Variants in G2E3 observed in about 807,000 individuals in gnomAD.
The protein encoded by G2E3 is G2/M-phase specific E3 ubiquitin protein ligase, also known as G2/M phase-specific E3 ubiquitin-protein ligase.
G2E3 carries 35 observed loss-of-function variants against 92.8 expected under a neutral mutation model. The ratio of observed to expected loss-of-function variants is 0.38; its 90% CI spans 0.29 to 0.50. G2E3 has a LOEUF of 0.50. Among genes scored for constraint, G2E3 ranks in the 20% least tolerant of loss-of-function variants. The probability of loss-of-function intolerance (pLI) is 0.94; values close to 1 mark genes in which losing one functional copy is unlikely to be tolerated. For missense variants in G2E3, 554 were observed against 823.8 expected (o/e 0.67, Z 4.01); for synonymous variants, 242 against 272.4 (o/e 0.89, Z 1.10).
intron 1 of G2E3, chr14:30,560,341 A>G (rs1879019501): frequency 6.4e-6 from 1 of 155,242 alleles, no homozygotes; most frequent in Admixed American, 6.4e-5. Context: ...ACACCAGGAT[A>G]TTGTACCATT....
chr14:30,606,950 T>TA (rs1379944246), intron 11 of G2E3, among the ~76,000 whole-genome samples: 2 of 152,080 alleles, frequency 1.3e-5, no homozygotes, highest in Non-Finnish European at 2.9e-5. Context: ...TCAAGAACCT[T>TA]AAAAATGTTC....
chr14:30,585,576 C>G (rs114818557), intron 2 of G2E3, among the ~76,000 whole-genome samples: 1 of 149,764 alleles, frequency 6.7e-6, no homozygotes, highest in Admixed American at 6.6e-5. Context: ...AGTTTTTAAT[C>G]TTCTCCCCCT....
At chr14:30,585,135 A>G (rs981527238) in intron 2 of G2E3, among the ~76,000 whole-genome samples, 6 of 152,086 alleles carry the variant, frequency 3.9e-5, no homozygotes, top group Non-Finnish European at 7.4e-5. Context: ...TACCCAGACA[A>G]TAGTGTCCTT....
chr14:30,609,597 T>G (rs1319839705), intron 12 of G2E3, among the ~76,000 whole-genome samples: 2 of 152,228 alleles, frequency 1.3e-5, no homozygotes, highest in African/African-American at 4.8e-5. Flanking sequence ...TCCTGTAATC[T>G]TTCTGAATGA....
chr14:30,611,604 G>T (rs1349288793), intron 12 of G2E3: 1 of 151,794 alleles, frequency 6.6e-6, no homozygotes, highest in African/African-American at 2.4e-5. Context: ...TCTTTTTCAT[G>T]AATTCTCAGG....
intron 1 of G2E3, among the ~76,000 whole-genome samples, chr14:30,561,271 A>T (rs1472428168): frequency 2.0e-5 from 3 of 152,220 alleles, no homozygotes; most frequent in Non-Finnish European, 2.9e-5. Context: ...GTTCTCACAC[A>T]ACTAGTAACA....
At chr14:30,578,490 A>G (rs10141104) in intron 1 of G2E3, among the ~76,000 whole-genome samples, 5,589 of 152,288 alleles carry the variant, frequency 0.037, 326 homozygotes, top group African/African-American at 0.12. Flanking sequence ...TGCAAACAAG[A>G]GGGACCACAG....
rs2138925546 is a variant in G2E3 at position 30,616,413 on chromosome 14, A to G, written c.2000A>G (p.Asn667Ser). Residue 667 changes from asparagine to serine, a missense_variant, in exon 15 of 15, where the codon AAT (asparagine) becomes AGT (serine). By Grantham distance (46) the Asn-to-Ser change is conservative (BLOSUM62 1). Transcript: ENST00000206595. ...HVDFPVGNKC[N>S]NCLAIPITNT... ...GATTTTCCTGTTGGAAACAAGTGTA[A>G]TAACTGTTTAGCAATTCCCATCACC... 1 of 1,612,920 alleles carries G rather than the reference A, an allele frequency of 6.2e-7. No homozygotes were observed. Among genetic ancestry groups the G allele is most frequent in the Non-Finnish European group, 8.5e-7 (1 of 1,179,120 alleles).
chr14:30,593,140 G>A (rs989576413), intron 5 of G2E3, among the ~76,000 whole-genome samples: 3 of 152,018 alleles, frequency 2.0e-5, no homozygotes, highest in Admixed American at 6.6e-5. Context: ...AATTTTATAC[G>A]ATTTTGAGCA....
In G2E3 at chr14:30,601,818, T is replaced by C. The variant is rs760492648; in HGVS notation, c.801T>C (p.His267=). The C allele has an allele frequency of 3.1e-6, 5 of 1,613,734 alleles. No homozygotes were observed. The East Asian group carries it at 1.1e-4, about 36-fold the overall frequency. The change falls in exon 9 of 15, where the codon CAT becomes CAC. Residue 267 remains histidine (H), a synonymous_variant. Transcript: ENST00000206595. The part of the protein sequence containing the change: ...RCQCCGSSGT[H]LACSSLRSWE... The stretch of plus-strand genomic sequence containing the variant: ...AGTGTTGTGGTTCCAGTGGCACACA[T>C]TTAGCCTGCTCCTCATTACGGTCAT...
chr14:30,614,969 T>C (rs1882247583), intron 13 of G2E3, among the ~76,000 whole-genome samples: 1 of 152,194 alleles, frequency 6.6e-6, no homozygotes, highest in Non-Finnish European at 1.5e-5. Context: ...TTTATCACTC[T>C]TGGTAATATC....
Position 30,619,458 on chromosome 14 carries a change from CAT to C in G2E3, c.*2925_*2926del, listed in dbSNP as rs1882464470. On this transcript the variant is annotated 3_prime_UTR_variant, in exon 15 of 15. Coordinates refer to ENST00000206595, the MANE Select transcript of G2E3 (RefSeq NM_017769.5). ...TGTAATTCTTTTATATAGTGATTAT[CAT>C]GTACTGCATTGTTACTTTAAAATAA... The C allele has an allele frequency of 6.6e-6, 1 of 152,076 alleles. No homozygotes were observed. The highest frequency in any genetic ancestry group is 2.4e-5 in the African/African-American group (1 of 41,444). The allele number at this position is 152,076 out of a possible 1,614,324, so 9.4% of individuals were successfully genotyped here.
At chr14:30,565,737 C>T (rs1056735268) in intron 1 of G2E3, among the ~76,000 whole-genome samples, 5 of 141,380 alleles carry the variant, frequency 3.5e-5, no homozygotes, top group Non-Finnish European at 6.0e-5. Flanking sequence ...TCTCGGCTCA[C>T]TGCAAGCTCC....
At position 30,617,292 on chromosome 14, in the gene G2E3, CTA is replaced by C. The variant is rs1485582887; in HGVS notation, c.*760_*761del. ...CAGAATTGCACAAATTTTCTGGAATCTATGGACATTCCATGAGCTTAAACACT... is the reference window on the plus strand; with the variant it reads ...CAGAATTGCACAAATTTTCTGGAATCTGGACATTCCATGAGCTTAAACACT... On this transcript the variant is annotated 3_prime_UTR_variant, in exon 15 of 15. Coordinates refer to ENST00000206595, the MANE Select transcript of G2E3 (RefSeq NM_017769.5). 1 of 151,652 alleles carries C rather than the reference CTA, an allele frequency of 6.6e-6. No individual in the cohort carries two copies. The allele number at this position is 151,652 out of a possible 1,614,324, so 9.4% of individuals were successfully genotyped here. A position where few individuals can be genotyped will look rare whatever the true frequency, so the allele number is the denominator to read the frequency against.
chr14:30,607,988 C>T lies in G2E3; in HGVS notation c.1419C>T (p.Asn473=). 6.2e-7 allele frequency: 1 copy of T among 1,607,456 alleles called. No homozygotes were observed. The highest frequency in any genetic ancestry group is 1.7e-5 in the Admixed American group (1 of 58,338). Residue 473 remains asparagine (N), a synonymous_variant, in exon 12 of 15, where the codon AAC becomes AAT. Transcript: ENST00000206595. Reference sequence around the variant, plus strand: ...GTTTCTTTTCTAAAACCTTGTTTAACTGCCTTGTTTATGGACCAGAAAATA... The same window carrying T: ...GTTTCTTTTCTAAAACCTTGTTTAATTGCCTTGTTTATGGACCAGAAAATA... ...SPGFFSKTLF[N]CLVYGPENTQ...
At chr14:30,610,517 C>T (rs1239845683) in intron 12 of G2E3, among the ~76,000 whole-genome samples, 1 of 152,056 alleles carries the variant, frequency 6.6e-6, no homozygotes, top group Non-Finnish European at 1.5e-5. Flanking sequence ...TTGAAAGGCT[C>T]GCTTGAGCCC....
At chr14:30,615,248 G>T in intron 13 of G2E3, 101 bp from the exon 14 acceptor site, 1 of 585,258 alleles carries the variant, frequency 1.7e-6, no homozygotes. Context: ...AAAATCATTA[G>T]CTGTTTTGAA....
chr14:30,562,519 G>A (rs1426297989), intron 1 of G2E3, among the ~76,000 whole-genome samples: 1 of 152,138 alleles, frequency 6.6e-6, no homozygotes, highest in Admixed American at 6.5e-5. Context: ...GAAGACGCCC[G>A]TTGCCAAGAG....
intron 14 of G2E3, among the ~76,000 whole-genome samples, chr14:30,615,836 T>C (rs1749408269): frequency 6.6e-6 from 1 of 152,182 alleles, no homozygotes; most frequent in Non-Finnish European, 1.5e-5. Flanking sequence ...ATCCTAATAA[T>C]CTATTTCATC....
Sources: gnomAD v4.1 joint callset for allele counts (sites outside exome capture counted in the v4.1 genomes callset) on GRCh38, gnomAD v4.1.1 for gene constraint, MANE v1.5 for transcripts, NCBI Gene and HGNC (gene_info 2026-07-23, HGNC 2026-07-21) for gene names.